The following YLPM1 variants were observed in gnomAD, a reference collection of about 807,000 sequenced individuals.
YLPM1 encodes the protein YLP motif-containing protein 1.
A neutral mutation model predicts 230.0 loss-of-function variants in YLPM1; 99 were observed. The ratio of observed to expected loss-of-function variants is 0.43; its 90% CI spans 0.37 to 0.51. The LOEUF is 0.51. Among genes scored for constraint, YLPM1 ranks in the 20% least tolerant of loss-of-function variants. The pLI, the probability that YLPM1 is intolerant of heterozygous loss-of-function variation, is 0.00. For synonymous variants in YLPM1, 984 were observed against 942.5 expected, an observed-to-expected ratio of 1.04 and a Z score of -0.81; for missense variants, 2,592 against 2,707.7, an observed-to-expected ratio of 0.96 and a Z score of 0.95.
chr14:74,798,911 C>T lies in YLPM1; in HGVS notation c.3614C>T (p.Pro1205Leu), dbSNP rs1375767674. 4.3e-6 allele frequency: 7 copies of T among 1,613,682 alleles called. No homozygotes were observed. In the African/African-American group the frequency reaches 6.7e-5, roughly 15 times the overall value. The change falls in exon 5 of 21, where the codon CCA becomes CTA. Residue 1205 changes from proline (P) to leucine (L), a missense_variant. Around this residue, in one of 4 missense-constraint regions of YLPM1, gnomAD observed 1,862 missense variants for 1,819.8 expected, o/e 1.02. Transcript: ENST00000325680. ...GAAGAGCGAGGGCATGAAGAGTTTC[C>T]ATTAGATGGTAGAAATGCTCCAATG... ...HGEERGHEEFPLDGRNAPMER... is the reference protein window; with the variant it reads ...HGEERGHEEFLLDGRNAPMER...
In YLPM1 at chr14:74,763,712, G is replaced by A. The variant is rs2090873958; in HGVS notation, c.223G>A (p.Val75Met). 1.3e-6 allele frequency: 2 copies of A among 1,544,894 alleles called. No individual in the cohort carries two copies. The highest frequency in any genetic ancestry group is 2.3e-5 in the East Asian group (1 of 43,118). ...GATGCACCAGAAGCAAATGCAGTGC[G>A]TGCTTCAGCCCCACCACCTTCCTCC... ...QQMHQKQMQC[V>M]LQPHHLPPPP... The change falls in exon 1 of 21, where the codon GTG becomes ATG. Residue 75 changes from valine (V) to methionine (M), a missense_variant. Around this residue, in one of 4 missense-constraint regions of YLPM1, gnomAD observed 1,862 missense variants for 1,819.8 expected, o/e 1.02. Coordinates refer to ENST00000325680, the MANE Select transcript of YLPM1 (RefSeq NM_019589.3).
chr14:74,835,234 A>G, intron 19 of YLPM1, 31 bp from the exon 20 acceptor site: 1 of 1,608,628 alleles, frequency 6.2e-7, no homozygotes, highest in Non-Finnish European at 8.5e-7. Context: ...TATTTTTCCT[A>G]AAGCTCAGCC....
At position 74,763,396 on chromosome 14, in the gene YLPM1, C is replaced by G. The variant is rs1006951500; in HGVS notation, c.-94C>G. ...CACGCTCCGGGGCCTGTAGGCGCCG[C>G]GAGTTCCGGCTGTCGCCGTCGCCGC... On this transcript the variant is annotated 5_prime_UTR_variant, in exon 1 of 21. Transcript: ENST00000325680. 22 of 1,369,070 alleles carry G rather than the reference C, an allele frequency of 1.6e-5. No homozygotes were observed. The highest frequency in any genetic ancestry group is 2.9e-4 in the Middle Eastern group (1 of 3,476). 84.8% of individuals were successfully genotyped at this position (1,369,070 alleles called of 1,614,324 possible).
intron 18 of YLPM1, chr14:74,827,746 T>G (rs1315973626): frequency 2.0e-6 from 2 of 985,320 alleles, no homozygotes; most frequent in African/African-American, 3.5e-5. Context: ...TGTACCCTGT[T>G]GAACCAAGAA....
chr14:74,799,021 T>G lies in YLPM1; in HGVS notation c.3724T>G (p.Tyr1242Asp), dbSNP rs1245491255. 6 of 1,613,742 alleles carry G rather than the reference T, an allele frequency of 3.7e-6. No homozygotes were observed. The Admixed American group carries it at 1.0e-4, about 27-fold the overall frequency. ...CTATCAAGATGATACACTAGAGCTC[T>G]ATAACAGAGAGGACAGGTTCTCAGC... Reference protein sequence around the residue: ...RDYQDDTLELYNREDRFSAPP... With the variant: ...RDYQDDTLELDNREDRFSAPP... The change falls in exon 5 of 21, where the codon TAT becomes GAT. Residue 1242 changes from tyrosine (Y) to aspartate (D), a missense_variant. By Grantham distance (160) the Tyr-to-Asp change is radical. This residue lies in a region of YLPM1 where 1,862 missense variants were observed against 1,819.8 expected (regional missense o/e 1.02). Transcript: ENST00000325680.
At chr14:74,830,829 C>A (rs935513816) in intron 19 of YLPM1, among the ~76,000 whole-genome samples, 1 of 152,192 alleles carries the variant, frequency 6.6e-6, no homozygotes, top group Non-Finnish European at 1.5e-5. Context: ...TCGCTCATTA[C>A]CGTCAGGAGG....
intron 6 of YLPM1, among the ~76,000 whole-genome samples, chr14:74,804,110 TC>T (rs1340365210): frequency 2.0e-5 from 3 of 152,302 alleles, no homozygotes; most frequent in African/African-American, 7.2e-5. Flanking sequence ...TGAGCCGACA[TC>T]GCGCCATTGC....
At chr14:74,784,884 C>T (rs1305355848) in intron 4 of YLPM1, among the ~76,000 whole-genome samples, 1 of 152,242 alleles carries the variant, frequency 6.6e-6, no homozygotes, top group Non-Finnish European at 1.5e-5. Flanking sequence ...TGCTGTACTG[C>T]TCACTGTCCT....
chr14:74,816,094 C>T, intron 11 of YLPM1, 109 bp from the exon 12 acceptor site: 2 of 899,948 alleles, frequency 2.2e-6, no homozygotes, highest in South Asian at 1.8e-5. Flanking sequence ...GTTTCATGGC[C>T]TGTTGTATAG....
In YLPM1 at chr14:74,780,643, ATTC is replaced by A; in HGVS notation, c.1290+62_1290+64del. 2.0e-6 allele frequency: 3 copies of A among 1,508,746 alleles called. No homozygotes were observed. In the South Asian group the frequency reaches 4.1e-5, roughly 21 times the overall value. 93.5% of individuals were successfully genotyped at this position (1,508,746 alleles called of 1,614,324 possible). A position where few individuals can be genotyped will look rare whatever the true frequency, so the allele number is the denominator to read the frequency against. On this transcript the variant is annotated intron_variant, in intron 3 of 20. Transcript: ENST00000325680. Reference sequence around the variant, plus strand: ...CCCCAAGACATTGAAAGGATTTGTTATTCTTGAAAGATTTAAGTGTAAAAAACA... The same window carrying A: ...CCCCAAGACATTGAAAGGATTTGTTATTGAAAGATTTAAGTGTAAAAAACA...
At chr14:74,800,878 AGTCT>A (rs1044565682) in intron 5 of YLPM1, among the ~76,000 whole-genome samples, 5 of 152,304 alleles carry the variant, frequency 3.3e-5, no homozygotes, top group Admixed American at 1.3e-4. Context: ...ATATTATGTC[AGTCT>A]GTCTATCTCA....
rs1245923956 is a variant in YLPM1 at position 74,799,274 on chromosome 14, G to A, written c.3977G>A (p.Arg1326Gln). The A allele has an allele frequency of 2.5e-6, 4 of 1,613,946 alleles. No homozygotes were observed. The South Asian group carries it at 3.3e-5, about 13-fold the overall frequency. ...LDEQESQFRE[R>Q]DIPSLPPLPP... ...GAACAAGAATCACAGTTTCGTGAAC[G>A]GGATATTCCATCTCTTCCACCTTTA... Residue 1326 changes from arginine (R) to glutamine (Q), a missense_variant, in exon 5 of 21, where the codon CGG becomes CAG. Around this residue, in one of 4 missense-constraint regions of YLPM1, gnomAD observed 1,862 missense variants for 1,819.8 expected, o/e 1.02. Transcript: ENST00000325680.
Position 74,798,308 on chromosome 14 carries a change from A to G in YLPM1, c.3011A>G (p.Asp1004Gly), listed in dbSNP as rs1380049270. 16 of 1,613,850 alleles carry G rather than the reference A, an allele frequency of 9.9e-6. No individual in the cohort carries two copies. Among genetic ancestry groups the G allele is most frequent in the Non-Finnish European group, 1.4e-5 (16 of 1,179,900 alleles). Reference protein sequence around the residue: ...NNQDKGLPRPDNRDNRLEGNR... With the variant: ...NNQDKGLPRPGNRDNRLEGNR... ...CAAGATAAAGGCCTGCCTCGGCCAG[A>G]TAATAGAGATAATAGATTAGAAGGC... The change falls in exon 5 of 21, where the codon GAT becomes GGT. Residue 1004 changes from aspartate to glycine, a missense_variant. Physicochemically the swap from Asp to Gly is moderately conservative, Grantham distance 94. Around this residue, in one of 4 missense-constraint regions of YLPM1, gnomAD observed 1,862 missense variants for 1,819.8 expected, o/e 1.02. Transcript: ENST00000325680.
In YLPM1 at chr14:74,803,149, T is replaced by G. The variant is rs573116556; in HGVS notation, c.4521+473T>G. Among the ~76,000 whole-genome samples, 76 of 151,072 alleles carry G rather than the reference T, an allele frequency of 5.0e-4. 1 individual carries two copies. In the South Asian group the frequency reaches 0.015, roughly 30 times the overall value. ...ATCTAGGCAGGGCTAGATGTGGGCC[T>G]CGTGATGCTTCCTACCTCTTCAGGC... On this transcript the variant is annotated intron_variant, in intron 6 of 20. Coordinates refer to ENST00000325680, the MANE Select transcript of YLPM1 (RefSeq NM_019589.3).
chr14:74,778,413 C>CA, intron 1 of YLPM1, 34 bp from the exon 2 acceptor site: 1 of 1,544,130 alleles, frequency 6.5e-7, no homozygotes, highest in South Asian at 1.2e-5. Flanking sequence ...ACATGATTGT[C>CA]AATCAAAATT....
At chr14:74,830,552 CT>C (rs1277919366) in intron 19 of YLPM1, among the ~76,000 whole-genome samples, 1 of 152,108 alleles carries the variant, frequency 6.6e-6, no homozygotes, top group African/African-American at 2.4e-5. Context: ...TAACTAGTCC[CT>C]TTGTGTTAGT....
chr14:74,773,711 C>CTTTTTTTTTTTTTTTTTTTT (rs766885242), intron 1 of YLPM1, among the ~76,000 whole-genome samples: 1 of 60,562 alleles, frequency 1.7e-5, no homozygotes, highest in East Asian at 4.8e-4. Context: ...TGTTTTCTTT[C>CTTTTTTTTTTTTTTTTTTTT]TTTTTTTTTT....
intron 6 of YLPM1, among the ~76,000 whole-genome samples, chr14:74,804,848 T>C (rs1219002943): frequency 6.6e-6 from 1 of 152,240 alleles, no homozygotes; most frequent in Non-Finnish European, 1.5e-5. Context: ...TAACAAATCA[T>C]AATCATCTTT....
rs369984347 is a variant in YLPM1 at position 74,787,570 on chromosome 14, C to A, written c.2282+5245C>A. On this transcript the variant is annotated intron_variant, in intron 4 of 20. Coordinates refer to ENST00000325680, the MANE Select transcript of YLPM1 (RefSeq NM_019589.3). ...GAGTGACAGAGCGAGAACGAGATTC[C>A]GTCTCAAAAAAAAAAAAGAAACTAA... Among the ~76,000 whole-genome samples the A allele has an allele frequency of 5.4e-5, 8 of 149,416 alleles. No homozygotes were observed. The South Asian group carries it at 1.7e-3, about 32-fold the overall frequency.
Sources: gnomAD v4.1 joint callset for allele counts (sites outside exome capture counted in the v4.1 genomes callset) on GRCh38, gnomAD v4.1.1 for gene constraint, gnomAD v4.1.1 regional missense constraint, MANE v1.5 for transcripts, NCBI Gene and HGNC (gene_info 2026-07-23, HGNC 2026-07-21) for gene names.